The following VCL variants were observed in gnomAD, a reference collection of about 807,000 sequenced individuals.
The protein encoded by VCL is vinculin, also known as epididymis luminal protein 114.
VCL carries 47 observed loss-of-function variants against 125.7 expected under a neutral mutation model. The observed-to-expected ratio is 0.37, with a 90% CI of 0.30 to 0.48. The LOEUF (loss-of-function observed/expected upper bound fraction) is 0.48. VCL is among the 20% of genes least tolerant of loss of function. VCL has a pLI of 0.99. For synonymous variants in VCL, 458 were observed against 514.6 expected, an observed-to-expected ratio of 0.89 and a Z score of 1.49; for missense variants, 1,069 against 1,455.5, an observed-to-expected ratio of 0.73 and a Z score of 4.32.
At chr10:74,005,896 A>G (rs1840316979) in intron 1 of VCL, among the ~76,000 whole-genome samples, 1 of 150,102 alleles carries the variant, frequency 6.7e-6, no homozygotes, top group South Asian at 2.1e-4. Flanking sequence ...TTATTTATTT[A>G]TTTTTTTGAG....
At chr10:74,033,761 A>G (rs1379674524) in intron 1 of VCL, among the ~76,000 whole-genome samples, 1 of 152,116 alleles carries the variant, frequency 6.6e-6, no homozygotes, top group Non-Finnish European at 1.5e-5. Flanking sequence ...TGCTTATTGG[A>G]CAACTCCCTC....
At chr10:74,020,661 C>T (rs566904026) in intron 1 of VCL, among the ~76,000 whole-genome samples, 64 of 151,728 alleles carry the variant, frequency 4.2e-4, no homozygotes, top group South Asian at 2.5e-3. Flanking sequence ...GGCAACATGG[C>T]GAAACCCTGT....
intron 16 of VCL, among the ~76,000 whole-genome samples, chr10:74,106,431 A>G (rs1056092944): frequency 3.3e-5 from 5 of 152,138 alleles, no homozygotes; most frequent in African/African-American, 1.2e-4. Flanking sequence ...TGGGTCTCCT[A>G]GGCCCTACAC....
intron 2 of VCL, among the ~76,000 whole-genome samples, chr10:74,049,557 A>G (rs1006328811): frequency 6.6e-6 from 1 of 152,124 alleles, no homozygotes; most frequent in South Asian, 2.1e-4. Context: ...GAGGATGGTT[A>G]GATGTAGGGA....
chr10:74,004,547 T>C (rs924575575), intron 1 of VCL, among the ~76,000 whole-genome samples: 1 of 152,148 alleles, frequency 6.6e-6, no homozygotes, highest in Non-Finnish European at 1.5e-5. Flanking sequence ...GCAACAGGAA[T>C]GCTGTTAGTC....
At chr10:74,026,303 T>C (rs1840771673) in intron 1 of VCL, among the ~76,000 whole-genome samples, 1 of 152,182 alleles carries the variant, frequency 6.6e-6, no homozygotes, top group Admixed American at 6.5e-5. Context: ...AGAAATGATT[T>C]GGGGGCTGCT....
At chr10:74,059,965 C>G (rs1841452115) in intron 2 of VCL, among the ~76,000 whole-genome samples, 1 of 151,982 alleles carries the variant, frequency 6.6e-6, no homozygotes, top group African/African-American at 2.4e-5. Context: ...GAGTTCAAGA[C>G]CAGTCTGGAC....
chr10:74,035,764 G>C (rs1840962740), intron 1 of VCL, among the ~76,000 whole-genome samples: 1 of 152,222 alleles, frequency 6.6e-6, no homozygotes, highest in Non-Finnish European at 1.5e-5. Flanking sequence ...TTGGCTCTCT[G>C]TATCTGTGGG....
chr10:74,013,521 A>C (rs1371079462), intron 1 of VCL, among the ~76,000 whole-genome samples: 4 of 152,050 alleles, frequency 2.6e-5, no homozygotes, highest in African/African-American at 9.7e-5. Context: ...CCAAAGTCAC[A>C]CTTTAGATAT....
intron 6 of VCL, among the ~76,000 whole-genome samples, chr10:74,078,693 A>C (rs906725666): frequency 2.0e-5 from 3 of 152,328 alleles, no homozygotes; most frequent in African/African-American, 4.8e-5. Flanking sequence ...AGAGATGAGG[A>C]ATTGAGACCC....
intron 10 of VCL, among the ~76,000 whole-genome samples, chr10:74,093,991 G>A (rs1294743682): frequency 1.3e-5 from 2 of 152,208 alleles, no homozygotes; most frequent in Admixed American, 6.5e-5. Flanking sequence ...AGAGGGTGCC[G>A]CTAACCTAGT....
At chr10:74,105,846 T>C (rs1318939740) in intron 16 of VCL, among the ~76,000 whole-genome samples, 1 of 148,952 alleles carries the variant, frequency 6.7e-6, no homozygotes, top group Admixed American at 6.7e-5. Flanking sequence ...TGAGCCACCG[T>C]GCCCAACCTC....
At chr10:74,068,365 C>T (rs1245363174) in intron 2 of VCL, among the ~76,000 whole-genome samples, 1 of 151,856 alleles carries the variant, frequency 6.6e-6, no homozygotes, top group Non-Finnish European at 1.5e-5. Context: ...TGCTCTGTTG[C>T]CCAGGCTGGA....
intron 19 of VCL, among the ~76,000 whole-genome samples, chr10:74,112,612 A>G (rs189362416): frequency 3.7e-4 from 56 of 152,188 alleles, no homozygotes; most frequent in Non-Finnish European, 6.2e-4. Context: ...GCTATGTGGC[A>G]GATGCTGGCC....
At chr10:74,102,015 G>A (rs1016105339) in intron 14 of VCL, among the ~76,000 whole-genome samples, 19 of 138,764 alleles carry the variant, frequency 1.4e-4, no homozygotes, top group Admixed American at 1.3e-3. Context: ...ACAGGCACCC[G>A]CCACCATGCC....
chr10:74,095,601 A>G, intron 11 of VCL, 55 bp from the exon 12 acceptor site: 1 of 1,607,614 alleles, frequency 6.2e-7, no homozygotes, highest in African/African-American at 1.3e-5. Flanking sequence ...ACAGAATGGC[A>G]TTGCAATTGT....
chr10:74,112,559 G>A (rs529742026), intron 19 of VCL, among the ~76,000 whole-genome samples: 1 of 152,262 alleles, frequency 6.6e-6, no homozygotes, highest in East Asian at 1.9e-4. Context: ...CAGCTTTATA[G>A]GGCAGGGTCT....
chr10:74,052,744 CTT>C (rs915908729), intron 2 of VCL, among the ~76,000 whole-genome samples: 7 of 143,748 alleles, frequency 4.9e-5, no homozygotes, highest in East Asian at 2.0e-4. Flanking sequence ...TGTAGTAAGA[CTT>C]TTTTTTTTTT....
At chr10:74,086,013 A>G (rs1839763835) in intron 8 of VCL, among the ~76,000 whole-genome samples, 1 of 152,092 alleles carries the variant, frequency 6.6e-6, no homozygotes, top group Non-Finnish European at 1.5e-5. Flanking sequence ...GATTACAGGC[A>G]TGCGCCACCA....
Sources: gnomAD v4.1 joint callset for allele counts (sites outside exome capture counted in the v4.1 genomes callset) on GRCh38, gnomAD v4.1.1 for gene constraint, MANE v1.5 for transcripts, NCBI Gene and HGNC (gene_info 2026-07-23, HGNC 2026-07-21) for gene names.